CCNL2: variants seen among roughly 807,000 people sequenced by gnomAD.
CCNL2 encodes cyclin-L2.
Under a neutral mutation model 59.1 loss-of-function variants are expected in CCNL2, and 28 were observed. That is an observed-to-expected ratio of 0.47 (90% CI 0.35 to 0.65). The LOEUF (loss-of-function observed/expected upper bound fraction) is 0.65. CCNL2 is among the 30% of genes least tolerant of loss of function. CCNL2 has a pLI of 0.00. For synonymous variants in CCNL2, 342 were observed against 288.6 expected (o/e 1.19, Z -1.88); for missense variants, 714 against 717.4 (o/e 1.00, Z 0.05).
At chr1:1,388,563 GTGTC>G (rs747460410) in intron 8 of CCNL2, 7 of 336,142 alleles carry the variant, frequency 2.1e-5, no homozygotes, top group African/African-American at 6.8e-5. Flanking sequence ...ATGTGAGTGT[GTGTC>G]TCTCTCTCTC....
At chr1:1,393,183 A>G in intron 5 of CCNL2, 1 of 590,648 alleles carries the variant, frequency 1.7e-6, no homozygotes, top group Non-Finnish European at 3.0e-6. Flanking sequence ...CAGGAAGTCC[A>G]GGCTTGCAGG....
In CCNL2 at chr1:1,386,933, G is replaced by A. The variant is rs573124983; in HGVS notation, c.*298C>T. The A allele has an allele frequency of 6.2e-5, 22 of 355,740 alleles. No homozygotes were observed. The highest frequency in any genetic ancestry group is 9.1e-5 in the Non-Finnish European group (18 of 196,800). 22.0% of individuals were successfully genotyped at this position (355,740 alleles called of 1,614,324 possible). On this transcript the variant is annotated 3_prime_UTR_variant, in exon 11 of 11. Transcript: ENST00000400809. Reference sequence around the variant, plus strand: ...CATGCCAGGCCACGCCAACAAGGGCGTGTGCATTCACTTTTTCATTGAGCT... The same window carrying A: ...CATGCCAGGCCACGCCAACAAGGGCATGTGCATTCACTTTTTCATTGAGCT...
intron 3 of CCNL2, among the ~76,000 whole-genome samples, chr1:1,397,389 G>A (rs1255684757): frequency 2.0e-5 from 3 of 152,110 alleles, no homozygotes; most frequent in East Asian, 3.8e-4. Context: ...CAATCTCCTG[G>A]CCTCAAGCAA....
chr1:1,391,437 C>T, intron 5 of CCNL2: 1 of 1,222,404 alleles, frequency 8.2e-7, no homozygotes, highest in Non-Finnish European at 1.0e-6. Flanking sequence ...TGAAGGAGTC[C>T]ACTTGGAAGA....
In CCNL2 at chr1:1,387,653, C is replaced by G. The variant is rs1287743553; in HGVS notation, c.1212-71G>C. 3 of 1,405,350 alleles carry G rather than the reference C, an allele frequency of 2.1e-6. No homozygotes were observed. The African/African-American group carries it at 4.3e-5, about 20-fold the overall frequency. 87.1% of individuals were successfully genotyped at this position (1,405,350 alleles called of 1,614,324 possible). A position where few individuals can be genotyped will look rare whatever the true frequency, so the allele number is the denominator to read the frequency against. On this transcript the variant is annotated intron_variant, in intron 10 of 10. Transcript: ENST00000400809. ...GCCAGGCCCCACACACCCACAGGAG[C>G]TCAGACAAGACACACAAGCTCCAGG...
intron 5 of CCNL2, 76 bp from the exon 6 acceptor site, chr1:1,390,941 A>C (rs1305237301): frequency 8.1e-7 from 1 of 1,233,808 alleles, no homozygotes; most frequent in African/African-American, 1.5e-5. Flanking sequence ...ATCTAGAGAA[A>C]ATCTAGATAA....
intron 3 of CCNL2, 107 bp downstream of exon 3, chr1:1,398,126 G>A (rs1570022790): frequency 1.9e-6 from 2 of 1,071,688 alleles, no homozygotes; most frequent in Non-Finnish European, 2.8e-6. Context: ...TATCCCACAG[G>A]TTTAGAGCCT....
chr1:1,387,988 C>T lies in CCNL2; in HGVS notation c.1084G>A (p.Ala362Thr), dbSNP rs779653949. ...VKNTKRRLEGAKKAKADSPVN... is the reference protein window; with the variant it reads ...VKNTKRRLEGTKKAKADSPVN... The stretch of plus-strand genomic sequence containing the variant: ...GGGCTGTCCGCCTTGGCTTTCTTGG[C>T]GCCCTCCAGCCTCCTCTTGGTGTTC... Residue 362 changes from alanine (A) to threonine (T), a missense_variant, in exon 9 of 11, where the codon GCC (alanine) becomes ACC (threonine). This residue lies in a region of CCNL2 where 403 missense variants were observed against 377.7 expected (regional missense o/e 1.07). Transcript: ENST00000400809. The T allele has an allele frequency of 5.0e-6, 8 of 1,614,068 alleles. No individual in the cohort carries two copies. The highest frequency in any genetic ancestry group is 5.9e-6 in the Non-Finnish European group (7 of 1,180,022).
intron 4 of CCNL2, among the ~76,000 whole-genome samples, chr1:1,394,943 G>A (rs1467154413): frequency 3.3e-5 from 5 of 152,026 alleles, no homozygotes; most frequent in African/African-American, 1.2e-4. Context: ...TGTAGTGCCA[G>A]CTACTCAGGA....
chr1:1,391,376 C>A, intron 5 of CCNL2: 4 of 1,171,510 alleles, frequency 3.4e-6, no homozygotes, highest in Non-Finnish European at 4.3e-6. Flanking sequence ...TCCTCTTCCT[C>A]CAGGGCGCTG....
Position 1,390,763 on chromosome 1 carries a change from G to A in CCNL2, c.759+3C>T. On this transcript the variant is annotated splice_donor_region_variant and intron_variant, in intron 6 of 10. Coordinates refer to ENST00000400809, the MANE Select transcript of CCNL2 (RefSeq NM_030937.6). ...AATCTCTCCATAGTAGCAACACACTGACCTCCAGCGTCCGGGCAGCAAGAT... is the reference window on the plus strand; with the variant it reads ...AATCTCTCCATAGTAGCAACACACTAACCTCCAGCGTCCGGGCAGCAAGAT... The A allele has an allele frequency of 6.2e-7, 1 of 1,613,216 alleles. No homozygotes were observed. Among genetic ancestry groups the A allele is most frequent in the Non-Finnish European group, 8.5e-7 (1 of 1,179,168 alleles).
rs766061370 is a variant in CCNL2, at chr1:1,387,345, G to A, written c.1449C>T (p.Tyr483=). 8.1e-6 allele frequency: 13 copies of A among 1,614,162 alleles called. No individual in the cohort carries two copies. In the South Asian group the frequency reaches 1.1e-4, roughly 14 times the overall value. ...SRERADNPGK[Y]KKKSHYYRDQ... ...CTCTGTAGTAATGACTTTTCTTCTT[G>A]TATTTTCCCGGATTATCCGCCCGCT... is the stretch of plus-strand genomic sequence containing the variant. Residue 483 remains tyrosine, a synonymous_variant, in exon 11 of 11, where the codon TAC becomes TAT. Transcript: ENST00000400809.
At position 1,395,370 on chromosome 1, in the gene CCNL2, G is replaced by A. The variant is rs371312975; in HGVS notation, c.594+24C>T. 1.1e-5 allele frequency: 18 copies of A among 1,613,064 alleles called. No homozygotes were observed. The highest frequency in any genetic ancestry group is 1.1e-4 in the African/African-American group (8 of 75,052). The stretch of plus-strand genomic sequence containing the variant: ...CAGGAGCAGCGGCCTAGGCGGGCTC[G>A]CAGGGCAGGAGCCGCACACCCACCT... On this transcript the variant is annotated intron_variant, in intron 4 of 10. Transcript: ENST00000400809.
rs1180228627 is a variant in CCNL2 at position 1,386,651 on chromosome 1, C to A, written c.*580G>T. The A allele has an allele frequency of 2.0e-5, 3 of 152,672 alleles. No homozygotes were observed. The highest frequency in any genetic ancestry group is 2.9e-5 in the Non-Finnish European group (2 of 68,078). 9.5% of individuals were successfully genotyped at this position (152,672 alleles called of 1,614,324 possible). On this transcript the variant is annotated 3_prime_UTR_variant, in exon 11 of 11. Coordinates refer to ENST00000400809, the MANE Select transcript of CCNL2 (RefSeq NM_030937.6). ...CCCTCACATTTTAAAAGTCAGGATT[C>A]CCTACACAAGTTTTAAGCTGACGGG...
chr1:1,397,519 A>C (rs1398743882), intron 3 of CCNL2, among the ~76,000 whole-genome samples: 1 of 152,058 alleles, frequency 6.6e-6, no homozygotes, highest in East Asian at 1.9e-4. Context: ...GTGAGTCGAG[A>C]CCAGGGATGT....
chr1:1,387,993 T>C lies in CCNL2; in HGVS notation c.1079A>G (p.Glu360Gly), dbSNP rs769342845. 1 of 1,614,086 alleles carries C rather than the reference T, an allele frequency of 6.2e-7. No individual in the cohort carries two copies. The highest frequency in any genetic ancestry group is 1.1e-5 in the South Asian group (1 of 91,084). Residue 360 changes from glutamate (E) to glycine (G), a missense_variant, in exon 9 of 11, where the codon GAG becomes GGG. This residue lies in a region of CCNL2 where 403 missense variants were observed against 377.7 expected (regional missense o/e 1.07). Coordinates refer to ENST00000400809, the MANE Select transcript of CCNL2 (RefSeq NM_030937.6). ...LSVKNTKRRL[E>G]GAKKAKADSP... The stretch of plus-strand genomic sequence containing the variant: ...GTCCGCCTTGGCTTTCTTGGCGCCC[T>C]CCAGCCTCCTCTTGGTGTTCTTCAC...
intron 3 of CCNL2, 81 bp from the exon 4 acceptor site, chr1:1,395,595 G>A (rs1052466800): frequency 6.3e-7 from 1 of 1,580,450 alleles, no homozygotes; most frequent in East Asian, 2.2e-5. Flanking sequence ...CTCCAACTAT[G>A]AGCACCTAAC....
chr1:1,388,935 T>C, intron 8 of CCNL2: 3 of 235,268 alleles, frequency 1.3e-5, no homozygotes, highest in South Asian at 4.0e-5. Context: ...ATTAGCTCAG[T>C]GTGGTGGCGG....
Position 1,387,964 on chromosome 1 carries a change from G to A in CCNL2, c.1108C>T (p.Pro370Ser), listed in dbSNP as rs1644548577. The A allele has an allele frequency of 1.2e-6, 2 of 1,613,882 alleles. No individual in the cohort carries two copies. The highest frequency in any genetic ancestry group is 1.7e-6 in the Non-Finnish European group (2 of 1,180,012). The change falls in exon 9 of 11, where the codon CCC becomes TCC. Residue 370 changes from proline to serine, a missense_variant. Physicochemically the swap from Pro to Ser is moderately conservative, Grantham distance 74. Around this residue, in one of 5 missense-constraint regions of CCNL2, gnomAD observed 403 missense variants for 377.7 expected, o/e 1.07. Transcript: ENST00000400809. ...GCCCTGGGGTCCTACCCGTTCACGGGGCTGTCCGCCTTGGCTTTCTTGGCG... is the reference window on the plus strand; with the variant it reads ...GCCCTGGGGTCCTACCCGTTCACGGAGCTGTCCGCCTTGGCTTTCTTGGCG... Reference protein sequence around the residue: ...EGAKKAKADSPVNGLPKGRES... With the variant: ...EGAKKAKADSSVNGLPKGRES...
Sources: gnomAD v4.1 joint callset for allele counts (sites outside exome capture counted in the v4.1 genomes callset) on GRCh38, gnomAD v4.1.1 for gene constraint, gnomAD v4.1.1 regional missense constraint, MANE v1.5 for transcripts, NCBI Gene and HGNC (gene_info 2026-07-23, HGNC 2026-07-21) for gene names.